The following SCD5 variants were observed in gnomAD, a reference collection of about 807,000 sequenced individuals.
SCD5 encodes acyl-CoA-desaturase 4.
A neutral mutation model predicts 30.4 loss-of-function variants in SCD5; 20 were observed. That is an observed-to-expected ratio of 0.66 (90% confidence interval 0.46 to 0.96). The LOEUF is 0.96. SCD5 is among the 40% of genes least tolerant of loss of function. The pLI, the probability that SCD5 is intolerant of heterozygous loss-of-function variation, is 0.00. For synonymous variants in SCD5, 173 were observed against 176.4 expected, an observed-to-expected ratio of 0.98 and a Z score of 0.16; for missense variants, 381 against 443.3, an observed-to-expected ratio of 0.86 and a Z score of 1.26.
intron 3 of SCD5, among the ~76,000 whole-genome samples, chr4:82,664,997 C>CTA (rs1434283229): frequency 0.032 from 2,563 of 79,196 alleles, 39 homozygotes; most frequent in East Asian, 0.054. Context: ...CTCTCTCTCT[C>CTA]TCTATATATA....
At chr4:82,730,071 G>A (rs6849107) in intron 1 of SCD5, among the ~76,000 whole-genome samples, 2,440 of 151,954 alleles carry the variant, frequency 0.016, 30 homozygotes, top group South Asian at 0.037. Context: ...GCCCCCATGT[G>A]TATTTGTGAT....
intron 1 of SCD5, among the ~76,000 whole-genome samples, chr4:82,731,897 A>G (rs1430959228): frequency 6.6e-6 from 1 of 152,032 alleles, no homozygotes; most frequent in Non-Finnish European, 1.5e-5. Flanking sequence ...ATTACCTTTT[A>G]CTTTGTGAAA....
chr4:82,749,088 G>A (rs1017664417), intron 1 of SCD5, among the ~76,000 whole-genome samples: 2 of 152,180 alleles, frequency 1.3e-5, no homozygotes, highest in East Asian at 1.9e-4. Context: ...ACTTGTACAT[G>A]AGGCTCTTCA....
At chr4:82,725,987 C>T (rs542633973) in intron 1 of SCD5, among the ~76,000 whole-genome samples, 12 of 152,318 alleles carry the variant, frequency 7.9e-5, no homozygotes, top group Admixed American at 5.2e-4. Flanking sequence ...GAGGAAAAAC[C>T]GCCTGAAGGG....
chr4:82,631,545 A>G (rs900801677), intron 4 of SCD5, 28 bp from the exon 5 acceptor site: 16 of 1,607,888 alleles, frequency 1.0e-5, no homozygotes, highest in Non-Finnish European at 1.4e-5. Context: ...CATTGATATA[A>G]TTCAATCACC....
At chr4:82,640,671 T>C (rs566028196) in intron 3 of SCD5, among the ~76,000 whole-genome samples, 4 of 152,326 alleles carry the variant, frequency 2.6e-5, no homozygotes, top group Admixed American at 6.5e-5. Context: ...TGTGCACTTT[T>C]AGCCTCGAGC....
In SCD5 at chr4:82,716,418, CTT is replaced by C. The variant is rs1237570458; in HGVS notation, c.233-11007_233-11006del. ...ACTACATCAAAGTGTTGTTGGGGGACTTAAGTGAAAATACATACAGTCAGCCC... is the reference window on the plus strand; with the variant it reads ...ACTACATCAAAGTGTTGTTGGGGGACAAGTGAAAATACATACAGTCAGCCC... On this transcript the variant is annotated intron_variant, in intron 1 of 4. Transcript: ENST00000319540. Among the ~76,000 whole-genome samples the C allele has an allele frequency of 2.0e-5, 3 of 151,828 alleles. 1 individual carries two copies. The highest frequency in any genetic ancestry group is 4.4e-5 in the Non-Finnish European group (3 of 68,028).
At chr4:82,643,824 C>T (rs17005960) in intron 3 of SCD5, among the ~76,000 whole-genome samples, 8,447 of 152,276 alleles carry the variant, frequency 0.055, 362 homozygotes, top group African/African-American at 0.12. Context: ...TGCAGTGACA[C>T]CCAGTCCGGC....
intron 1 of SCD5, among the ~76,000 whole-genome samples, chr4:82,744,227 GACAAA>G (rs1720939757): frequency 6.6e-6 from 1 of 152,108 alleles, no homozygotes; most frequent in Non-Finnish European, 1.5e-5. Flanking sequence ...TGTTTTAAAA[GACAAA>G]ACAAAATGTT....
At position 82,630,573 on chromosome 4, in the gene SCD5, T is replaced by C. The variant is rs933223868; in HGVS notation, c.*754A>G. 1 of 152,244 alleles carries C rather than the reference T, an allele frequency of 6.6e-6. No individual in the cohort carries two copies. The highest frequency in any genetic ancestry group is 1.5e-5 in the Non-Finnish European group (1 of 68,054). The allele number at this position is 152,244 out of a possible 1,614,324, so 9.4% of individuals were successfully genotyped here. A position where few individuals can be genotyped will look rare whatever the true frequency, so the allele number is the denominator to read the frequency against. ...AGGGTTAGCATCATGTTCAAGCACA[T>C]GACAACGTATATTTGACGTATTTTA... On this transcript the variant is annotated 3_prime_UTR_variant, in exon 5 of 5. Coordinates refer to ENST00000319540, the MANE Select transcript of SCD5 (RefSeq NM_001037582.3).
intron 1 of SCD5, among the ~76,000 whole-genome samples, chr4:82,745,839 G>A (rs1198964344): frequency 6.6e-6 from 1 of 152,204 alleles, no homozygotes; most frequent in Non-Finnish European, 1.5e-5. Flanking sequence ...GTACAGAGTG[G>A]TGGTTAAGAG....
chr4:82,767,046 G>A (rs1721507879), intron 1 of SCD5, among the ~76,000 whole-genome samples: 1 of 152,128 alleles, frequency 6.6e-6, no homozygotes, highest in Admixed American at 6.5e-5. Context: ...AATGCCCCAT[G>A]AATTATGAGG....
intron 1 of SCD5, among the ~76,000 whole-genome samples, chr4:82,721,222 G>A (rs6828642): frequency 0.6 from 91,433 of 152,040 alleles, 29,663 homozygotes; most frequent in African/African-American, 0.85. Flanking sequence ...GCCCCGTTTC[G>A]CAGCTCCCTG....
intron 3 of SCD5, among the ~76,000 whole-genome samples, chr4:82,653,707 T>TAGATAGATAGATAGATAGATAGATATAG (rs34976357): frequency 0.027 from 1,631 of 61,358 alleles, 27 homozygotes; most frequent in African/African-American, 0.039. Context: ...GATAGATAGA[T>TAGATAGATAGATAGATAGATAGATATAG]ATAGATAGAT....
intron 2 of SCD5, among the ~76,000 whole-genome samples, chr4:82,685,843 T>C (rs1000899541): frequency 6.6e-6 from 1 of 152,176 alleles, no homozygotes; most frequent in Admixed American, 6.5e-5. Flanking sequence ...ATAATCAGTA[T>C]AAAAATTATT....
chr4:82,715,472 T>C (rs896931286), intron 1 of SCD5, among the ~76,000 whole-genome samples: 1 of 151,318 alleles, frequency 6.6e-6, no homozygotes, highest in African/African-American at 2.5e-5. Context: ...GAGCCTAGAT[T>C]AGGAACTGGA....
At position 82,752,273 on chromosome 4, in the gene SCD5, T is replaced by TTATATATATA. The variant is rs139910934; in HGVS notation, c.232+46023_232+46032dup. 7.1e-3 allele frequency among the ~76,000 whole-genome samples: 1,027 copies of TTATATATATA among 145,634 alleles called. 17 individuals carry two copies. Among genetic ancestry groups the TTATATATATA allele is most frequent in the African/African-American group, 0.023 (924 of 39,734 alleles). On this transcript the variant is annotated intron_variant, in intron 1 of 4. Coordinates refer to ENST00000319540, the MANE Select transcript of SCD5 (RefSeq NM_001037582.3). ...AAGGTTGACCTTGAATTTTAAAAAA[T>TTATATATATA]TATATATATATATATATATGCAAAA... is the stretch of plus-strand genomic sequence containing the variant.
At chr4:82,634,663 G>C (rs17005922) in intron 4 of SCD5, among the ~76,000 whole-genome samples, 39,779 of 152,066 alleles carry the variant, frequency 0.26, 6,204 homozygotes, top group African/African-American at 0.43. Context: ...CCAGTGTTGA[G>C]CTGGATAGAC....
chr4:82,794,031 T>C (rs546714301), intron 1 of SCD5, among the ~76,000 whole-genome samples: 1 of 152,252 alleles, frequency 6.6e-6, no homozygotes, highest in Non-Finnish European at 1.5e-5. Context: ...TTTGGGCAAA[T>C]TTCAGAATGT....
Sources: allele counts gnomAD v4.1 joint callset (sites outside exome capture counted in the v4.1 genomes callset), GRCh38; gene constraint gnomAD v4.1.1; transcripts MANE v1.5; gene names NCBI Gene and HGNC (gene_info 2026-07-23, HGNC 2026-07-21).